Variants in DHRS3 observed in about 807,000 individuals in gnomAD.
DHRS3 encodes dehydrogenase/reductase 3, also known as short-chain dehydrogenase/reductase 3.
Under a neutral mutation model 27.2 loss-of-function variants are expected in DHRS3, and 14 were observed. That is an observed-to-expected ratio of 0.52 (90% CI 0.34 to 0.81). DHRS3 has a LOEUF of 0.81. Ranked by LOEUF, DHRS3 falls within the 30% of genes least tolerant of loss-of-function variation. The probability of loss-of-function intolerance (pLI) is 0.01; values close to 1 mark genes in which losing one functional copy is unlikely to be tolerated. For synonymous variants in DHRS3, 165 were observed against 175.9 expected (o/e 0.94, Z 0.49); for missense variants, 322 against 406.2 (o/e 0.79, Z 1.78).
In DHRS3 at chr1:12,572,763, G is replaced by T. The variant is rs1241572218; in HGVS notation, c.789C>A (p.Leu263=). 2 of 1,605,812 alleles carry T rather than the reference G, an allele frequency of 1.2e-6. No individual in the cohort carries two copies. The highest frequency in any genetic ancestry group is 3.4e-5 in the Admixed American group (2 of 58,884). ...TAACGAGGGCATGCATTGTCCATGG[G>T]AGGAGGAGGAGGGCCTGGTTGAGCT... ...AVQLNQALLL[L]PWTMHALVIL... is the part of the protein sequence containing the mutation. Residue 263 remains leucine, a synonymous_variant, in exon 5 of 6, where the codon CTC becomes CTA. Coordinates refer to ENST00000616661, the MANE Select transcript of DHRS3 (RefSeq NM_004753.7).
chr1:12,568,452 G>C, intron 5 of DHRS3, 28 bp from the exon 6 acceptor site: 1 of 1,607,966 alleles, frequency 6.2e-7, no homozygotes, highest in African/African-American at 1.3e-5. Flanking sequence ...AAAGAAGATA[G>C]CGATGGTTAG....
At chr1:12,572,649 T>C in intron 5 of DHRS3, 79 bp downstream of exon 5, 3 of 1,540,982 alleles carry the variant, frequency 1.9e-6, no homozygotes, top group Non-Finnish European at 2.6e-6. Context: ...CTCCTCATGC[T>C]CATGCCCGCA....
At chr1:12,584,906 T>C in intron 1 of DHRS3, among the ~76,000 whole-genome samples, 1 of 152,096 alleles carries the variant, frequency 6.6e-6, no homozygotes, top group East Asian at 1.9e-4. Flanking sequence ...TCTGTGTGGG[T>C]CTCTATGAGT....
intron 1 of DHRS3, chr1:12,596,235 G>A (rs1266935627): frequency 1.3e-5 from 2 of 152,342 alleles, no homozygotes; most frequent in East Asian, 1.9e-4. Flanking sequence ...CGCTCCCCTC[G>A]AGCACCCCTG....
chr1:12,576,369 T>C (rs1646588019), intron 4 of DHRS3, among the ~76,000 whole-genome samples: 1 of 151,954 alleles, frequency 6.6e-6, no homozygotes, highest in African/African-American at 2.4e-5. Flanking sequence ...GAGACCATCC[T>C]GGCTAACACG....
chr1:12,598,892 G>T (rs1012110877), intron 1 of DHRS3, among the ~76,000 whole-genome samples: 1 of 152,148 alleles, frequency 6.6e-6, no homozygotes, highest in African/African-American at 2.4e-5. Context: ...GCAGAAGAAA[G>T]AATTCAGCTC....
At chr1:12,590,333 G>A (rs1340634481) in intron 1 of DHRS3, among the ~76,000 whole-genome samples, 1 of 152,104 alleles carries the variant, frequency 6.6e-6, no homozygotes, top group Non-Finnish European at 1.5e-5. Flanking sequence ...GCTTTGAGAT[G>A]ATGTTTCACT....
intron 5 of DHRS3, among the ~76,000 whole-genome samples, chr1:12,570,281 C>G (rs1412107996): frequency 6.6e-6 from 1 of 152,228 alleles, no homozygotes; most frequent in Admixed American, 6.5e-5. Context: ...CCAGCAAGCC[C>G]TGGTGTAGTC....
At position 12,594,443 on chromosome 1, in the gene DHRS3, G is replaced by A. The variant is rs766984294; in HGVS notation, c.196-13777C>T. 6.6e-6 allele frequency among the ~76,000 whole-genome samples: 1 copy of A among 152,220 alleles called. No homozygotes were observed. Among genetic ancestry groups the A allele is most frequent in the Non-Finnish European group, 1.5e-5 (1 of 68,042 alleles). On this transcript the variant is annotated intron_variant, in intron 1 of 5. Transcript: ENST00000616661. The surrounding 1 kb of genome is among the most constrained non-coding windows in gnomAD (Gnocchi z 4.1). Reference sequence around the variant, plus strand: ...GTTCACGTGAACGAATGACTGTATAGTAAGTAGTTTTCTAGCCACTAGAAA... The same window carrying A: ...GTTCACGTGAACGAATGACTGTATAATAAGTAGTTTTCTAGCCACTAGAAA...
intron 1 of DHRS3, among the ~76,000 whole-genome samples, chr1:12,615,453 G>A (rs1646938609): frequency 6.6e-6 from 1 of 152,076 alleles, no homozygotes; most frequent in African/African-American, 2.4e-5. Flanking sequence ...GAACTTGCAG[G>A]CTCCACTCTG....
intron 2 of DHRS3, chr1:12,579,691 A>G (rs1646626816): frequency 3.0e-6 from 1 of 329,716 alleles, no homozygotes; most frequent in Non-Finnish European, 5.6e-6. Flanking sequence ...GGCCAGGCTA[A>G]TCTTGTTCTG....
intron 5 of DHRS3, among the ~76,000 whole-genome samples, chr1:12,571,031 G>A (rs1274105242): frequency 6.6e-6 from 1 of 152,242 alleles, no homozygotes; most frequent in Non-Finnish European, 1.5e-5. Flanking sequence ...TGTTGCATGA[G>A]AGCAGGGGCC....
intron 1 of DHRS3, among the ~76,000 whole-genome samples, chr1:12,606,367 C>G (rs1354664996): frequency 6.8e-6 from 1 of 147,632 alleles, no homozygotes; most frequent in Non-Finnish European, 1.5e-5. Flanking sequence ...TCAGCATACA[C>G]AATTCTGACT....
chr1:12,606,136 C>CAAAAA (rs35154933), intron 1 of DHRS3, among the ~76,000 whole-genome samples: 51 of 106,784 alleles, frequency 4.8e-4, no homozygotes, highest in Middle Eastern at 4.7e-3. Flanking sequence ...GACTCTGTCT[C>CAAAAA]AAAAAAAAAA....
rs1322516154 is a variant in DHRS3, at chr1:12,617,706, T to C, written c.-358A>G. 6.5e-6 allele frequency: 1 copy of C among 153,510 alleles called. No individual in the cohort carries two copies. The highest frequency in any genetic ancestry group is 2.3e-4 in the South Asian group (1 of 4,336). 9.5% of individuals were successfully genotyped at this position (153,510 alleles called of 1,614,324 possible). A position where few individuals can be genotyped will look rare whatever the true frequency, so the allele number is the denominator to read the frequency against. On this transcript the variant is annotated 5_prime_UTR_variant, in exon 1 of 6. Coordinates refer to ENST00000616661, the MANE Select transcript of DHRS3 (RefSeq NM_004753.7). Reference sequence around the variant, plus strand: ...ATGTTTACAGACTGACAGAGGAGTTTAGGGAGGGGAAGAAAAAAAAAAAAA... The same window carrying C: ...ATGTTTACAGACTGACAGAGGAGTTCAGGGAGGGGAAGAAAAAAAAAAAAA...
rs1349677455 is a variant in DHRS3, at chr1:12,592,349, T to G, written c.196-11683A>C. ...GTCTTTGGAATTGAGTAGCTGTAAT[T>G]GAGTTGGGGATCTCAAAGTGAGATC... On this transcript the variant is annotated intron_variant, in intron 1 of 5. Coordinates refer to ENST00000616661, the MANE Select transcript of DHRS3 (RefSeq NM_004753.7). This position sits in a 1 kb window ranked among gnomAD's most constrained non-coding sequence, Gnocchi z 4.2. Among the ~76,000 whole-genome samples the G allele has an allele frequency of 6.6e-6, 1 of 152,098 alleles. No homozygotes were observed. Among genetic ancestry groups the G allele is most frequent in the African/African-American group, 2.4e-5 (1 of 41,410 alleles).
At chr1:12,571,527 T>TTC (rs1646536753) in intron 5 of DHRS3, among the ~76,000 whole-genome samples, 1 of 97,822 alleles carries the variant, frequency 1.0e-5, no homozygotes, top group Non-Finnish European at 2.0e-5. Flanking sequence ...GTGAGGTCAA[T>TTC]TTTTTTTTTT....
chr1:12,612,808 G>A (rs1487092905), intron 1 of DHRS3, among the ~76,000 whole-genome samples: 1 of 152,018 alleles, frequency 6.6e-6, no homozygotes, highest in Non-Finnish European at 1.5e-5. Flanking sequence ...CCTGTAATCC[G>A]AGCACTTCGG....
At chr1:12,603,544 T>C (rs1224288182) in intron 1 of DHRS3, among the ~76,000 whole-genome samples, 1 of 151,980 alleles carries the variant, frequency 6.6e-6, no homozygotes, top group East Asian at 1.9e-4. Flanking sequence ...GCCTCTAGGG[T>C]GCTCCGGAAC....
Sources: gnomAD v4.1 joint callset for allele counts (sites outside exome capture counted in the v4.1 genomes callset) on GRCh38, gnomAD v4.1.1 for gene constraint, Gnocchi (gnomAD v3.1) non-coding constraint, MANE v1.5 for transcripts, NCBI Gene and HGNC (gene_info 2026-07-23, HGNC 2026-07-21) for gene names.